RYR2: variants seen among roughly 807,000 people sequenced by gnomAD.
The protein encoded by RYR2 is cardiac muscle ryanodine receptor-calcium release channel.
Under a neutral mutation model 601.1 loss-of-function variants are expected in RYR2, and 227 were observed. That is an observed-to-expected ratio of 0.38 (90% CI 0.34 to 0.42). The LOEUF (loss-of-function observed/expected upper bound fraction) is 0.42. Ranked by LOEUF, RYR2 falls within the 10% of genes least tolerant of loss-of-function variation. RYR2 has a pLI of 1.00. For missense variants in RYR2, 4,646 were observed against 6,156.5 expected (o/e 0.75, Z 8.21); for synonymous variants, 2,223 against 2,175.1 (o/e 1.02, Z -0.61).
chr1:237,727,460 C>A (rs1050737206), intron 76 of RYR2, among the ~76,000 whole-genome samples: 3 of 152,130 alleles, frequency 2.0e-5, no homozygotes, highest in East Asian at 3.9e-4. Flanking sequence ...GGAGTTCTTT[C>A]TTTGTCCTGG....
At chr1:237,249,384 A>G (rs1687229297) in intron 1 of RYR2, among the ~76,000 whole-genome samples, 1 of 152,090 alleles carries the variant, frequency 6.6e-6, no homozygotes, top group Non-Finnish European at 1.5e-5. Flanking sequence ...GAAACTGCAT[A>G]TGACCTTGTT....
At chr1:237,217,712 T>C (rs1683346272) in intron 1 of RYR2, among the ~76,000 whole-genome samples, 1 of 152,154 alleles carries the variant, frequency 6.6e-6, no homozygotes, top group African/African-American at 2.4e-5. Context: ...GTTTGTGTCC[T>C]GTGATTAGAT....
intron 1 of RYR2, among the ~76,000 whole-genome samples, chr1:237,073,354 G>A (rs1274589830): frequency 1.3e-5 from 2 of 152,040 alleles, no homozygotes; most frequent in Admixed American, 6.5e-5. Context: ...GGCCAGAGGC[G>A]AACCTCATAA....
chr1:237,255,915 A>G (rs1178059678), intron 1 of RYR2, among the ~76,000 whole-genome samples: 2 of 150,284 alleles, frequency 1.3e-5, no homozygotes, highest in African/African-American at 4.9e-5. Flanking sequence ...CTACTATTCT[A>G]TGGCCTGCCA....
In RYR2 at chr1:237,469,114, T is replaced by C; in HGVS notation, c.1635T>C (p.Arg545=). ...CAGCGGCTCTAATTAGAGGAAATCG[T>C]AAAAACTGTGCTCAATTTTCTGGCT... The part of the protein sequence containing the change: ...ELLAALIRGN[R]KNCAQFSGSL... Residue 545 remains arginine (R), a synonymous_variant, in exon 17 of 105, where the codon CGT becomes CGC. Transcript: ENST00000366574. 6.2e-7 allele frequency: 1 copy of C among 1,613,538 alleles called. No homozygotes were observed. The highest frequency in any genetic ancestry group is 8.5e-7 in the Non-Finnish European group (1 of 1,179,612).
chr1:237,615,681 G>A (rs1678387694), intron 37 of RYR2, among the ~76,000 whole-genome samples: 1 of 152,086 alleles, frequency 6.6e-6, no homozygotes, highest in Admixed American at 6.6e-5. Flanking sequence ...TATGCACTTA[G>A]GGGAAACACA....
intron 77 of RYR2, among the ~76,000 whole-genome samples, chr1:237,731,841 A>G (rs1183175026): frequency 6.6e-6 from 1 of 151,968 alleles, no homozygotes; most frequent in Admixed American, 6.6e-5. Flanking sequence ...AAGCTTTTAT[A>G]TACACATACA....
At chr1:237,371,236 G>A (rs1402391567) in intron 6 of RYR2, among the ~76,000 whole-genome samples, 1 of 151,884 alleles carries the variant, frequency 6.6e-6, no homozygotes, top group East Asian at 1.9e-4. Flanking sequence ...GCTAACTATA[G>A]CCTTGAACTC....
intron 9 of RYR2, 30 bp downstream of exon 9, chr1:237,387,410 G>A (rs1181611529): frequency 1.9e-6 from 3 of 1,588,694 alleles, no homozygotes; most frequent in Non-Finnish European, 2.6e-6. Flanking sequence ...TAGAGGGCCT[G>A]TCCTTGCTGC....
intron 2 of RYR2, among the ~76,000 whole-genome samples, chr1:237,327,404 C>A (rs1696274080): frequency 6.6e-6 from 1 of 152,152 alleles, no homozygotes; most frequent in Non-Finnish European, 1.5e-5. Flanking sequence ...TCATTTGAAA[C>A]CCATGTGGTT....
At chr1:237,504,826 C>G (rs549753056) in intron 22 of RYR2, among the ~76,000 whole-genome samples, 2 of 152,186 alleles carry the variant, frequency 1.3e-5, no homozygotes, top group Non-Finnish European at 2.9e-5. Flanking sequence ...TTTCCACGAG[C>G]CGGTGGGCTG....
intron 1 of RYR2, among the ~76,000 whole-genome samples, chr1:237,115,724 G>A (rs1297875246): frequency 6.6e-6 from 1 of 152,164 alleles, no homozygotes; most frequent in African/African-American, 2.4e-5. Context: ...GAACAAACTT[G>A]TAGGCCTTAG....
intron 1 of RYR2, among the ~76,000 whole-genome samples, chr1:237,045,192 C>T (rs1017156111): frequency 6.6e-6 from 1 of 152,172 alleles, no homozygotes; most frequent in Admixed American, 6.5e-5. Context: ...GATTTGTATT[C>T]AGCACCCCAG....
intron 10 of RYR2, among the ~76,000 whole-genome samples, chr1:237,416,539 G>A (rs1705005801): frequency 6.6e-6 from 1 of 152,070 alleles, no homozygotes. Flanking sequence ...ATTGCAGATT[G>A]CTGTGTTAAA....
Position 237,761,039 on chromosome 1 carries a change from C to G in RYR2, c.11476+11C>G, listed in dbSNP as rs1340967819. On this transcript the variant is annotated intron_variant, in intron 84 of 104. Transcript: ENST00000366574. Reference sequence around the variant, plus strand: ...CAGAGGAAGGATCAGGTATTAATGACTTACATTAAAAGGATCACCTGTCTC... The same window carrying G: ...CAGAGGAAGGATCAGGTATTAATGAGTTACATTAAAAGGATCACCTGTCTC... 1 of 1,511,674 alleles carries G rather than the reference C, an allele frequency of 6.6e-7. No individual in the cohort carries two copies. The allele number at this position is 1,511,674 out of a possible 1,614,324, so 93.6% of individuals were successfully genotyped here.
At chr1:237,097,270 C>T (rs1439300757) in intron 1 of RYR2, among the ~76,000 whole-genome samples, 4 of 151,976 alleles carry the variant, frequency 2.6e-5, no homozygotes, top group Non-Finnish European at 5.9e-5. Flanking sequence ...AAAAATGGTA[C>T]AAATGGTACA....
intron 1 of RYR2, among the ~76,000 whole-genome samples, chr1:237,064,665 C>T (rs905588764): frequency 6.6e-6 from 1 of 151,574 alleles, no homozygotes; most frequent in Non-Finnish European, 1.5e-5. Context: ...TCCATATTGC[C>T]CTTCCTAGTA....
chr1:237,054,750 A>G (rs1661762736), intron 1 of RYR2, among the ~76,000 whole-genome samples: 1 of 152,084 alleles, frequency 6.6e-6, no homozygotes, highest in Non-Finnish European at 1.5e-5. Flanking sequence ...TTTTTACTTT[A>G]AAAAAAGTTA....
intron 80 of RYR2, among the ~76,000 whole-genome samples, chr1:237,753,368 C>T (rs1272543784): frequency 1.3e-5 from 2 of 152,044 alleles, no homozygotes; most frequent in East Asian, 3.8e-4. Flanking sequence ...CTACTTGTTT[C>T]CCCAAGTGTT....
Sources: allele counts gnomAD v4.1 joint callset (sites outside exome capture counted in the v4.1 genomes callset), GRCh38; gene constraint gnomAD v4.1.1; transcripts MANE v1.5; gene names NCBI Gene and HGNC (gene_info 2026-07-23, HGNC 2026-07-21).